The following GALNT2 variants were observed in gnomAD, a reference collection of about 807,000 sequenced individuals.
The protein encoded by GALNT2 is UDP-GalNAc:polypeptide N-acetylgalactosaminyltransferase 2.
In GALNT2, 31 loss-of-function variants were observed where a neutral mutation model predicts 81.4. The observed-to-expected ratio is 0.38, with a 90% CI of 0.29 to 0.51. GALNT2 has a LOEUF of 0.51. GALNT2 is among the 20% of genes least tolerant of loss of function. The pLI is 0.87. For synonymous variants in GALNT2, 303 were observed against 287.4 expected, an observed-to-expected ratio of 1.05 and a Z score of -0.55; for missense variants, 629 against 765.7, an observed-to-expected ratio of 0.82 and a Z score of 2.11.
intron 3 of GALNT2, among the ~76,000 whole-genome samples, chr1:230,215,824 A>T (rs1664374267): frequency 6.6e-6 from 1 of 152,254 alleles, no homozygotes; most frequent in African/African-American, 2.4e-5. Context: ...TAAACTACAT[A>T]CATTAATTAC....
intron 6 of GALNT2, among the ~76,000 whole-genome samples, chr1:230,239,442 T>A (rs1157445828): frequency 5.3e-5 from 8 of 152,184 alleles, no homozygotes; most frequent in African/African-American, 1.9e-4. Flanking sequence ...AGTTCAGCCT[T>A]CAGTCAGTGG....
chr1:230,074,548 C>T (rs1268012301), intron 1 of GALNT2, among the ~76,000 whole-genome samples: 1 of 152,146 alleles, frequency 6.6e-6, no homozygotes, highest in African/African-American at 2.4e-5. Flanking sequence ...GGGAGGTGGG[C>T]AGAATTGCCC....
intron 1 of GALNT2, among the ~76,000 whole-genome samples, chr1:230,061,508 AT>A (rs1453836641): frequency 2.0e-5 from 3 of 152,130 alleles, no homozygotes; most frequent in African/African-American, 4.8e-5. Flanking sequence ...AGTTATGAAT[AT>A]TTTTTTAAGC....
At chr1:230,177,481 G>A (rs1572053166) in intron 1 of GALNT2, among the ~76,000 whole-genome samples, 1 of 152,360 alleles carries the variant, frequency 6.6e-6, no homozygotes, top group Admixed American at 6.5e-5. Context: ...ACAGAAATCA[G>A]ATTCCCAGTG....
intron 3 of GALNT2, among the ~76,000 whole-genome samples, chr1:230,219,186 T>C (rs1322306925): frequency 1.3e-5 from 2 of 152,222 alleles, no homozygotes; most frequent in Non-Finnish European, 2.9e-5. Flanking sequence ...GATGATTGAA[T>C]TTCCTCTGGC....
chr1:230,217,777 A>C (rs1459023284), intron 3 of GALNT2, among the ~76,000 whole-genome samples: 2 of 152,230 alleles, frequency 1.3e-5, no homozygotes, highest in East Asian at 3.8e-4. Flanking sequence ...CAGAAAGGCA[A>C]AAAAGGGACA....
intron 1 of GALNT2, among the ~76,000 whole-genome samples, chr1:230,088,560 CAG>C (rs1659963824): frequency 6.8e-6 from 1 of 146,126 alleles, no homozygotes; most frequent in Non-Finnish European, 1.5e-5. Flanking sequence ...TTCTTTGAGA[CAG>C]AGTCTTGCTC....
chr1:230,186,523 A>G (rs1475882107), intron 2 of GALNT2, among the ~76,000 whole-genome samples: 3 of 152,236 alleles, frequency 2.0e-5, no homozygotes, highest in Non-Finnish European at 4.4e-5. Flanking sequence ...GCTAGGATAC[A>G]CACTTCTGTT....
intron 1 of GALNT2, among the ~76,000 whole-genome samples, chr1:230,144,837 G>A (rs1054368606): frequency 4.6e-5 from 7 of 152,318 alleles, no homozygotes; most frequent in Non-Finnish European, 8.8e-5. Flanking sequence ...AAGCCTGGGA[G>A]TAGGTGGTTG....
chr1:230,211,784 A>C (rs185517802), intron 3 of GALNT2, among the ~76,000 whole-genome samples: 2 of 151,934 alleles, frequency 1.3e-5, no homozygotes, highest in Admixed American at 6.6e-5. Context: ...AAAAATAAAA[A>C]ATTTTATTTA....
Position 230,281,884 on chromosome 1 carries a change from G to C in GALNT2, c.*2426G>C, listed in dbSNP as rs1445278828. The C allele has an allele frequency of 6.6e-6, 1 of 152,524 alleles. No individual in the cohort carries two copies. The highest frequency in any genetic ancestry group is 1.5e-5 in the Non-Finnish European group (1 of 68,046). The allele number at this position is 152,524 out of a possible 1,614,324, so 9.4% of individuals were successfully genotyped here. A position where few individuals can be genotyped will look rare whatever the true frequency, so the allele number is the denominator to read the frequency against. On this transcript the variant is annotated 3_prime_UTR_variant, in exon 16 of 16. Coordinates refer to ENST00000366672, the MANE Select transcript of GALNT2 (RefSeq NM_004481.5). ...GAATTCTTTCCTAAGAGCCCTTCGA[G>C]CAAAGCGTGCCGAAGTTAGTTGTCT...
intron 11 of GALNT2, among the ~76,000 whole-genome samples, chr1:230,258,447 A>T (rs1438340098): frequency 6.8e-6 from 1 of 146,444 alleles, no homozygotes; most frequent in Non-Finnish European, 1.5e-5. Context: ...CTGGTCTTGA[A>T]CTCCTGACCT....
At chr1:230,203,453 CA>C (rs981783498) in intron 3 of GALNT2, among the ~76,000 whole-genome samples, 163 bp downstream of exon 3, 41 of 152,300 alleles carry the variant, frequency 2.7e-4, no homozygotes, top group African/African-American at 9.9e-4. Context: ...GAACTTCATC[CA>C]TAGGCAGTGG....
chr1:230,241,728 T>C (rs1665207669), intron 6 of GALNT2, among the ~76,000 whole-genome samples: 1 of 152,028 alleles, frequency 6.6e-6, no homozygotes, highest in South Asian at 2.1e-4. Context: ...ATTACAGGCG[T>C]GAGCCACCAC....
At chr1:230,116,066 C>G (rs1019976220) in intron 1 of GALNT2, among the ~76,000 whole-genome samples, 1 of 152,156 alleles carries the variant, frequency 6.6e-6, no homozygotes, top group Non-Finnish European at 1.5e-5. Context: ...TTGGAATCAG[C>G]TTCTTCCACG....
At chr1:230,203,324 A>G in intron 3 of GALNT2, 34 bp downstream of exon 3, 1 of 1,606,978 alleles carries the variant, frequency 6.2e-7, no homozygotes, top group Non-Finnish European at 8.5e-7. Flanking sequence ...CTGCAGCTTC[A>G]TTTGCTTTCA....
chr1:230,082,544 C>T (rs1234081205), intron 1 of GALNT2, among the ~76,000 whole-genome samples: 2 of 152,256 alleles, frequency 1.3e-5, no homozygotes, highest in African/African-American at 4.8e-5. Context: ...CTTATCCCTA[C>T]TTCCTCAGTG....
At chr1:230,167,223 G>A (rs1271334246) in intron 1 of GALNT2, among the ~76,000 whole-genome samples, 1 of 151,874 alleles carries the variant, frequency 6.6e-6, no homozygotes. Context: ...CTGGCTCACT[G>A]CAGCCTCAAA....
At chr1:230,265,783 G>A (rs1480446791) in intron 14 of GALNT2, among the ~76,000 whole-genome samples, 1 of 152,252 alleles carries the variant, frequency 6.6e-6, no homozygotes, top group Admixed American at 6.5e-5. Context: ...TTAACTGTGG[G>A]CACTAAGGCG....
Sources: allele counts gnomAD v4.1 joint callset (sites outside exome capture counted in the v4.1 genomes callset), GRCh38; gene constraint gnomAD v4.1.1; transcripts MANE v1.5; gene names NCBI Gene and HGNC (gene_info 2026-07-23, HGNC 2026-07-21).